Variants in TTC34 observed in about 807,000 individuals in gnomAD.
TTC34 encodes tetratricopeptide repeat protein 34.
TTC34 carries 44 observed loss-of-function variants against 40.7 expected under a neutral mutation model. That is an observed-to-expected ratio of 1.08 (90% CI 0.85 to 1.39). The LOEUF (loss-of-function observed/expected upper bound fraction) is 1.39. Among genes scored for constraint, TTC34 ranks in the 40% most tolerant of loss-of-function variants. The probability of loss-of-function intolerance (pLI) is 0.00; values close to 1 mark genes in which losing one functional copy is unlikely to be tolerated. For synonymous variants in TTC34, 422 were observed against 398.6 expected, an observed-to-expected ratio of 1.06 and a Z score of -0.70; for missense variants, 884 against 838.0, an observed-to-expected ratio of 1.05 and a Z score of -0.68.
rs1365287887 is a variant in TTC34, at chr1:2,748,117, T to C, written c.2226+35492A>G. On this transcript the variant is annotated intron_variant, in intron 6 of 8. Transcript: ENST00000401095. ...ATTTGACCTCCCAGAGCAGCACCCA[T>C]ACCCCCAGGCGAGCATCTGAACTCA... is the stretch of plus-strand genomic sequence containing the variant. 6.2e-3 allele frequency among the ~76,000 whole-genome samples: 127 copies of C among 20,434 alleles called. 1 individual carries two copies. The highest frequency in any genetic ancestry group is 6.6e-3 in the Non-Finnish European group (85 of 12,820). 13.4% of individuals were successfully genotyped at this position (20,434 alleles called of 152,430 possible).
rs1287851321 is a variant in TTC34 at position 2,687,306 on chromosome 1, C to G, written c.2227-41743G>C. Among the ~76,000 whole-genome samples, 3 of 96,978 alleles carry G rather than the reference C, an allele frequency of 3.1e-5. 1 individual carries two copies. The highest frequency in any genetic ancestry group is 1.7e-4 in the African/African-American group (3 of 17,902). The allele number at this position is 96,978 out of a possible 152,430, so 63.6% of individuals were successfully genotyped here. ...ACAACCACAGGTGAGCATCTGACAT[C>G]GTGGAACAGCACCCCAAACCCACAG... On this transcript the variant is annotated intron_variant, in intron 6 of 8. Coordinates refer to ENST00000401095, the Ensembl canonical transcript of TTC34.
intron 6 of TTC34, among the ~76,000 whole-genome samples, chr1:2,677,946 T>A (rs1383129726): frequency 7.9e-4 from 32 of 40,440 alleles, no homozygotes; most frequent in Non-Finnish European, 7.8e-4. Context: ...CAGGTGAGCA[T>A]CCGACAGCCT....
chr1:2,790,079 A>G, exon 3 of TTC34: 1 of 397,970 alleles, frequency 2.5e-6, no homozygotes, highest in South Asian at 1.3e-4. Context: ...TACCGGGGCC[A>G]GCAGCTCGCG....
chr1:2,752,171 A>C (rs1237365179), intron 6 of TTC34, among the ~76,000 whole-genome samples: 638 of 50,260 alleles, frequency 0.013, 15 homozygotes, highest in Admixed American at 0.017. Flanking sequence ...CACCCACACC[A>C]ACAGGTGAGC....
At chr1:2,694,093 G>A (rs1430780477) in intron 6 of TTC34, among the ~76,000 whole-genome samples, 1 of 145,538 alleles carries the variant, frequency 6.9e-6, no homozygotes, top group Non-Finnish European at 1.5e-5. Context: ...TGACAGCCTG[G>A]AACAGCACCC....
At chr1:2,641,198 TTGTGGGGAGGGTTGGGAAGGGGTG>T (rs1638893582) in exon 9 of TTC34, 8 of 309,672 alleles carry the variant, frequency 2.6e-5, no homozygotes, top group Non-Finnish European at 3.7e-5. Context: ...GGAAGGGGGG[TTGTGGGGAGGGTTGGGAAGGGGTG>T]TGTGGGGAGG....
intron 2 of TTC34, among the ~76,000 whole-genome samples, chr1:2,795,905 G>A (rs1055528885): frequency 2.6e-5 from 4 of 152,198 alleles, no homozygotes; most frequent in African/African-American, 7.2e-5. Context: ...GATTATAGAA[G>A]GGTTTTGCTA....
intron 6 of TTC34, among the ~76,000 whole-genome samples, chr1:2,646,242 T>C (rs72646029): frequency 1.4e-3 from 218 of 152,304 alleles, no homozygotes; most frequent in Non-Finnish European, 2.7e-3. Context: ...CCTACCACAG[T>C]CTATGTACAG....
At chr1:2,767,644 A>T (rs1176888276) in intron 6 of TTC34, among the ~76,000 whole-genome samples, 2 of 85,248 alleles carry the variant, frequency 2.3e-5, no homozygotes, top group African/African-American at 5.9e-5. Flanking sequence ...ACATCCTCAC[A>T]TCCAGGTGAG....
At chr1:2,793,090 A>C (rs1643680690) in intron 2 of TTC34, among the ~76,000 whole-genome samples, 1 of 152,276 alleles carries the variant, frequency 6.6e-6, no homozygotes, top group Non-Finnish European at 1.5e-5. Flanking sequence ...ATTGTTAGAT[A>C]GACAATTTTT....
intron 6 of TTC34, among the ~76,000 whole-genome samples, chr1:2,681,087 T>TGG (rs1640049599): frequency 7.6e-5 from 3 of 39,256 alleles, no homozygotes; most frequent in East Asian, 5.9e-4. Context: ...TCTGACAGCC[T>TGG]AGAGCAGTGC....
chr1:2,652,083 CCCCCAGGTGAGCATCTGACAGACTGG>C (rs1557584314), intron 6 of TTC34, among the ~76,000 whole-genome samples: 12 of 28,648 alleles, frequency 4.2e-4, no homozygotes, highest in Non-Finnish European at 5.5e-4. Flanking sequence ...AGCACCCACA[CCCCCAGGTGAGCATCTGACAGACTGG>C]AACAGCACCC....
chr1:2,657,421 C>G (rs538260721), intron 6 of TTC34, among the ~76,000 whole-genome samples: 2 of 90,182 alleles, frequency 2.2e-5, no homozygotes, highest in Non-Finnish European at 5.6e-5. Context: ...GTACCAGTAC[C>G]CCCAGGCGAG....
In TTC34 at chr1:2,673,389, C is replaced by A. The variant is rs1243362152; in HGVS notation, c.2227-27826G>T. Among the ~76,000 whole-genome samples, 7 of 75,530 alleles carry A rather than the reference C, an allele frequency of 9.3e-5. 1 individual carries two copies. The South Asian group carries it at 2.5e-3, about 27-fold the overall frequency. The allele number at this position is 75,530 out of a possible 152,430, so 49.6% of individuals were successfully genotyped here. A position where few individuals can be genotyped will look rare whatever the true frequency, so the allele number is the denominator to read the frequency against. Reference sequence around the variant, plus strand: ...GAGCATCTGAGGGCCTGGGTCGGCACCCACACCCCCAGGTGAGCATCTGAT... The same window carrying A: ...GAGCATCTGAGGGCCTGGGTCGGCAACCACACCCCCAGGTGAGCATCTGAT... On this transcript the variant is annotated intron_variant, in intron 6 of 8. Transcript: ENST00000401095.
At chr1:2,675,144 CGTA>C (rs1639855630) in intron 6 of TTC34, among the ~76,000 whole-genome samples, 8 of 3,900 alleles carry the variant, frequency 2.1e-3, no homozygotes, top group Non-Finnish European at 3.7e-3. Flanking sequence ...TCTGACAGCC[CGTA>C]GCAGCACCCA....
chr1:2,789,019 A>C (rs1643627615), intron 3 of TTC34, among the ~76,000 whole-genome samples: 1 of 152,188 alleles, frequency 6.6e-6, no homozygotes, highest in Non-Finnish European at 1.5e-5. Context: ...CGGAGGTTGC[A>C]GCAAGCCAAG....
chr1:2,653,216 A>AGCTTCTG (rs1557585960), intron 6 of TTC34, among the ~76,000 whole-genome samples: 2 of 56,624 alleles, frequency 3.5e-5, no homozygotes, highest in Admixed American at 2.0e-4. Flanking sequence ...CCCCCAGGTG[A>AGCTTCTG]ACATCTGACA....
intron 6 of TTC34, among the ~76,000 whole-genome samples, chr1:2,781,445 T>C (rs542429814): frequency 6.7e-4 from 102 of 152,354 alleles, no homozygotes; most frequent in African/African-American, 2.1e-3. Flanking sequence ...TGTGGAATCT[T>C]TAGGGATTTC....
At chr1:2,682,049 T>G (rs1181883334) in intron 6 of TTC34, among the ~76,000 whole-genome samples, 2 of 80,192 alleles carry the variant, frequency 2.5e-5, no homozygotes, top group African/African-American at 5.2e-5. Context: ...TCTGACATTG[T>G]GGAGCAGCAC....
Sources: gnomAD v4.1 joint callset for allele counts (sites outside exome capture counted in the v4.1 genomes callset) on GRCh38, gnomAD v4.1.1 for gene constraint, MANE v1.5 for transcripts, NCBI Gene and HGNC (gene_info 2026-07-23, HGNC 2026-07-21) for gene names.